Variants in PALB2 observed in about 807,000 individuals in gnomAD.
PALB2 encodes the protein partner and localizer of BRCA2.
In PALB2, 82 loss-of-function variants were observed where a neutral mutation model predicts 107.4. The observed-to-expected ratio is 0.76, with a 90% CI of 0.64 to 0.92. The LOEUF (loss-of-function observed/expected upper bound fraction) is 0.92. PALB2 is among the 40% of genes least tolerant of loss of function. PALB2 has a pLI of 0.00. For missense variants in PALB2, 1,374 were observed against 1,379.9 expected (o/e 1.00, Z 0.07); for synonymous variants, 489 against 496.8 (o/e 0.98, Z 0.21).
chr16:23,629,319 A>G (rs1191358184), intron 5 of PALB2, 44 bp from the exon 6 acceptor site: 3 of 1,512,386 alleles, frequency 2.0e-6, no homozygotes, highest in Non-Finnish European at 1.8e-6. Context: ...CTTTATGTAT[A>G]ATGTCTGCCT....
chr16:23,640,334 TAAAG>T (rs1447126509), intron 1 of PALB2: 1 of 204,214 alleles, frequency 4.9e-6, no homozygotes, highest in Non-Finnish European at 1.0e-5. Flanking sequence ...AAGTACAGTC[TAAAG>T]AAGCAAGGGC....
Position 23,603,629 on chromosome 16 carries a change from T to TTGC in PALB2, c.3388_3390dup (p.Ala1130dup). On this transcript the variant is annotated inframe_insertion, in exon 13 of 13. Transcript: ENST00000261584. ...ATGGCAATTGTTCCAGAAGTCAAGA[T>TTGC]TGCTGCTGCACAGTGATCTTTCACG... The TTGC allele has an allele frequency of 6.2e-7, 1 of 1,613,994 alleles. No individual in the cohort carries two copies. The highest frequency in any genetic ancestry group is 8.5e-7 in the Non-Finnish European group (1 of 1,179,984).
intron 10 of PALB2, among the ~76,000 whole-genome samples, chr16:23,616,130 T>A (rs928447998): frequency 3.3e-5 from 5 of 152,118 alleles, no homozygotes; most frequent in African/African-American, 1.2e-4. Flanking sequence ...CTGCCACCCA[T>A]TACAGAAGAG....
chr16:23,603,657 AC>A lies in PALB2; in HGVS notation c.3362del (p.Gly1121ValfsTer3), dbSNP rs515726117. On this transcript the variant is annotated frameshift_variant, in exon 13 of 13. Coordinates refer to ENST00000261584, the MANE Select transcript of PALB2 (RefSeq NM_024675.4). LOFTEE classifies it high-confidence loss of function. ...PPGQAGRFLE[G>X]DVKDHCAAAI... is the part of the protein sequence containing the mutation. The stretch of plus-strand genomic sequence containing the variant: ...CTGCTGCACAGTGATCTTTCACGTC[AC>A]CTTCCAGGAACCTGATAGCATACAA... 8.1e-6 allele frequency: 13 copies of A among 1,613,660 alleles called. No individual in the cohort carries two copies. The highest frequency in any genetic ancestry group is 1.3e-5 in the African/African-American group (1 of 74,796).
chr16:23,626,460 G>A (rs2142357508), intron 6 of PALB2, 63 bp from the exon 7 acceptor site: 3 of 1,544,510 alleles, frequency 1.9e-6, no homozygotes, highest in Non-Finnish European at 2.7e-6. Flanking sequence ...CAAAGCATAA[G>A]TATGCAAAGT....
chr16:23,608,653 C>T (rs994371592), intron 11 of PALB2, among the ~76,000 whole-genome samples: 3 of 151,936 alleles, frequency 2.0e-5, no homozygotes, highest in African/African-American at 7.3e-5. Flanking sequence ...TATTTAAAAC[C>T]CTGACCCTAC....
At chr16:23,613,259 T>TA (rs1373396177) in intron 11 of PALB2, among the ~76,000 whole-genome samples, 3 of 152,208 alleles carry the variant, frequency 2.0e-5, no homozygotes, top group African/African-American at 7.2e-5. Context: ...AGCTTATTTC[T>TA]AACTGTATGT....
intron 11 of PALB2, among the ~76,000 whole-genome samples, chr16:23,608,966 T>A (rs1491001316): frequency 6.6e-6 from 1 of 151,974 alleles, no homozygotes; most frequent in African/African-American, 2.4e-5. Context: ...TAGCTGGGAT[T>A]ACAGGTATGC....
At chr16:23,621,528 C>A (rs2142329013) in intron 9 of PALB2, 50 bp from the exon 10 acceptor site, 1 of 1,121,422 alleles carries the variant, frequency 8.9e-7, no homozygotes, top group Non-Finnish European at 1.4e-6. Flanking sequence ...AAAGCAGTCT[C>A]TAGGTAGCCC....
intron 1 of PALB2, chr16:23,640,395 T>TC (rs1967193534): frequency 5.0e-6 from 1 of 201,416 alleles, no homozygotes. Context: ...TCCCAGCTAC[T>TC]CGGGAGGCTG....
At chr16:23,614,593 G>A (rs1597073791) in intron 10 of PALB2, among the ~76,000 whole-genome samples, 1 of 152,064 alleles carries the variant, frequency 6.6e-6, no homozygotes, top group East Asian at 1.9e-4. Context: ...TAGGAAGAGA[G>A]GGGTGAATAT....
chr16:23,615,247 C>T (rs1373465896), intron 10 of PALB2, among the ~76,000 whole-genome samples: 14 of 151,206 alleles, frequency 9.3e-5, no homozygotes, highest in Admixed American at 7.9e-4. Context: ...CTGCACCTGA[C>T]CTGCTCCCCA....
intron 12 of PALB2, among the ~76,000 whole-genome samples, chr16:23,607,147 G>C (rs898445240): frequency 5.9e-5 from 9 of 152,212 alleles, no homozygotes; most frequent in Middle Eastern, 3.4e-3. Context: ...CTGCCTGCAT[G>C]ATAGAGGCTC....
At chr16:23,604,454 A>T (rs1307949852) in intron 12 of PALB2, among the ~76,000 whole-genome samples, 3 of 152,272 alleles carry the variant, frequency 2.0e-5, no homozygotes, top group South Asian at 2.1e-4. Flanking sequence ...CCTGGCACAC[A>T]GGAGGTGCTC....
chr16:23,614,020 T>C lies in PALB2; in HGVS notation c.3185A>G (p.Lys1062Arg). 6.2e-7 allele frequency: 1 copy of C among 1,613,144 alleles called. No homozygotes were observed. The highest frequency in any genetic ancestry group is 8.5e-7 in the Non-Finnish European group (1 of 1,179,170). ...ATTACTTACCATTTCAGAATAGGCT[T>C]TGTGACAGACTGAAGCTTGGTAAGA... ...DDSYQASVCH[K>R]AYSEMGLLFI... The change falls in exon 11 of 13, where the codon AAA becomes AGA. Residue 1062 changes from lysine to arginine, a missense_variant. By Grantham distance (26) the Lys-to-Arg change is conservative. Coordinates refer to ENST00000261584, the MANE Select transcript of PALB2 (RefSeq NM_024675.4).
chr16:23,615,533 G>A (rs1966670056), intron 10 of PALB2, among the ~76,000 whole-genome samples: 1 of 151,544 alleles, frequency 6.6e-6, no homozygotes, highest in Admixed American at 6.6e-5. Context: ...TTGAACTCCT[G>A]GGCTCAAGCA....
rs929474806 is a variant in PALB2 at position 23,635,417 on chromosome 16, G to A, written c.1129C>T (p.Gln377Ter). 1 of 1,613,922 alleles carries A rather than the reference G, an allele frequency of 6.2e-7. No individual in the cohort carries two copies. The highest frequency in any genetic ancestry group is 8.5e-7 in the Non-Finnish European group (1 of 1,179,854). The change falls in exon 4 of 13, where the codon CAA (glutamine) becomes TAA (stop). Residue 377 changes from glutamine to a stop codon, truncating the protein, a stop_gained. Coordinates refer to ENST00000261584, the MANE Select transcript of PALB2 (RefSeq NM_024675.4). LOFTEE classifies it high-confidence loss of function. ...ENLQESEILS[Q>*]PKSLSLEATS... ...GCTTCCAGGCTAAGACTCTTAGGTT[G>A]ACTTAGAATCTCACTTTCCTGAAGA...
rs878855120 is a variant in PALB2 at position 23,603,467 on chromosome 16, A to C, written c.3553T>G (p.Tyr1185Asp). ...TTTCACTTTACCCTAACTTATGAAT[A>C]GTGGTATACAAATATATTTCCATCT... is the stretch of plus-strand genomic sequence containing the variant. ...QKDGNIFVYH[Y>D]S is the part of the protein sequence containing the mutation. Residue 1185 changes from tyrosine (Y) to aspartate (D), a missense_variant, in exon 13 of 13, where the codon TAT (tyrosine) becomes GAT (aspartate). Coordinates refer to ENST00000261584, the MANE Select transcript of PALB2 (RefSeq NM_024675.4). The C allele has an allele frequency of 6.2e-7, 1 of 1,611,694 alleles. No homozygotes were observed. The highest frequency in any genetic ancestry group is 8.5e-7 in the Non-Finnish European group (1 of 1,177,778).
chr16:23,611,425 C>T (rs756176170), intron 11 of PALB2, among the ~76,000 whole-genome samples: 4 of 151,880 alleles, frequency 2.6e-5, no homozygotes, highest in South Asian at 2.1e-4. Context: ...GGATTACAGG[C>T]GTGAGCCACC....
Sources: gnomAD v4.1 joint callset for allele counts (sites outside exome capture counted in the v4.1 genomes callset) on GRCh38, gnomAD v4.1.1 for gene constraint, MANE v1.5 for transcripts, NCBI Gene and HGNC (gene_info 2026-07-23, HGNC 2026-07-21) for gene names.